Variants in DIAPH3 observed in about 807,000 individuals in gnomAD.
The protein encoded by DIAPH3 is protein diaphanous homolog 3.
DIAPH3 carries 117 observed loss-of-function variants against 144.3 expected under a neutral mutation model. The observed-to-expected ratio is 0.81, with a 90% CI of 0.70 to 0.95. The LOEUF is 0.95. DIAPH3 is among the 40% of genes least tolerant of loss of function. DIAPH3 has a pLI of 0.00. For missense variants in DIAPH3, 1,421 were observed against 1,412.7 expected, an observed-to-expected ratio of 1.01 and a Z score of -0.09; for synonymous variants, 519 against 488.9, an observed-to-expected ratio of 1.06 and a Z score of -0.81.
At chr13:59,848,434 T>A (rs1270816742) in intron 22 of DIAPH3, among the ~76,000 whole-genome samples, 268 of 151,896 alleles carry the variant, frequency 1.8e-3, no homozygotes, top group Admixed American at 4.3e-3. Flanking sequence ...TCATCTAGCC[T>A]TAGGTATATC....
intron 20 of DIAPH3, among the ~76,000 whole-genome samples, chr13:59,906,443 G>A (rs1366817153): frequency 6.6e-6 from 1 of 152,130 alleles, no homozygotes; most frequent in Non-Finnish European, 1.5e-5. Flanking sequence ...AGTGGGATAC[G>A]GGGGACATCT....
chr13:60,126,388 AT>A (rs2058989531), intron 2 of DIAPH3, among the ~76,000 whole-genome samples: 1 of 152,206 alleles, frequency 6.6e-6, no homozygotes, highest in Admixed American at 6.5e-5. Flanking sequence ...ATTATTTGTG[AT>A]TTTAAAACGT....
At chr13:59,899,785 G>T (rs1375483811) in intron 20 of DIAPH3, among the ~76,000 whole-genome samples, 1 of 152,158 alleles carries the variant, frequency 6.6e-6, no homozygotes, top group Non-Finnish European at 1.5e-5. Context: ...ACATGCACGT[G>T]ATATAAAACA....
At chr13:60,025,628 G>T (rs1029512646) in intron 5 of DIAPH3, among the ~76,000 whole-genome samples, 1 of 151,498 alleles carries the variant, frequency 6.6e-6, no homozygotes, top group African/African-American at 2.4e-5. Context: ...GCTAAAATGA[G>T]GTCAAAGAAA....
chr13:59,883,950 G>A (rs1048538644), intron 20 of DIAPH3, among the ~76,000 whole-genome samples: 6 of 152,034 alleles, frequency 3.9e-5, no homozygotes, highest in Non-Finnish European at 8.8e-5. Flanking sequence ...TACTTTTTCA[G>A]ATCTACTTTT....
At chr13:59,865,332 C>T (rs949111167) in intron 21 of DIAPH3, among the ~76,000 whole-genome samples, 1 of 151,954 alleles carries the variant, frequency 6.6e-6, no homozygotes, top group African/African-American at 2.4e-5. Context: ...TGAGCTAGAA[C>T]AAGTAAAGCT....
intron 23 of DIAPH3, 172 bp downstream of exon 23, chr13:59,839,152 T>C (rs980792645): frequency 3.1e-6 from 2 of 643,912 alleles, no homozygotes; most frequent in Non-Finnish European, 5.3e-6. Flanking sequence ...TTGTGTATTA[T>C]TCATGATTGA....
intron 17 of DIAPH3, among the ~76,000 whole-genome samples, chr13:59,962,145 C>A (rs183915860): frequency 1.0e-3 from 155 of 152,214 alleles, no homozygotes; most frequent in Non-Finnish European, 1.4e-3. Flanking sequence ...GAGGCTCAGG[C>A]CCAGGTCTTT....
intron 11 of DIAPH3, among the ~76,000 whole-genome samples, chr13:59,991,498 C>G (rs1566624365): frequency 6.6e-6 from 1 of 151,978 alleles, no homozygotes. Context: ...TCCAACTAAT[C>G]TGTCTCCCCT....
intron 21 of DIAPH3, among the ~76,000 whole-genome samples, chr13:59,862,592 G>A (rs1206987096): frequency 1.3e-5 from 2 of 152,170 alleles, no homozygotes; most frequent in Non-Finnish European, 2.9e-5. Flanking sequence ...ACAGATTTGT[G>A]TGAGGTGGCC....
intron 25 of DIAPH3, among the ~76,000 whole-genome samples, chr13:59,801,173 A>C (rs2139474876): frequency 6.6e-6 from 1 of 152,360 alleles, no homozygotes; most frequent in Admixed American, 6.5e-5. Flanking sequence ...TCTGAAATGC[A>C]GCAAAAAGAC....
chr13:59,970,130 A>C, intron 16 of DIAPH3, 72 bp from the exon 17 acceptor site: 2 of 754,606 alleles, frequency 2.7e-6, no homozygotes, highest in South Asian at 3.6e-5. Context: ...CACTATGCAT[A>C]CACTGAGTAT....
intron 22 of DIAPH3, among the ~76,000 whole-genome samples, chr13:59,850,635 T>C (rs896380601): frequency 6.6e-6 from 1 of 151,880 alleles, no homozygotes; most frequent in African/African-American, 2.4e-5. Flanking sequence ...TTGATTTGCG[T>C]ATATTGAACC....
At chr13:59,788,078 A>C (rs2039127515) in intron 25 of DIAPH3, among the ~76,000 whole-genome samples, 1 of 152,232 alleles carries the variant, frequency 6.6e-6, no homozygotes, top group Admixed American at 6.5e-5. Flanking sequence ...GAATGGACTA[A>C]GACACCATAA....
intron 4 of DIAPH3, among the ~76,000 whole-genome samples, chr13:60,087,835 G>T (rs1490482890): frequency 6.6e-6 from 1 of 151,318 alleles, no homozygotes; most frequent in Admixed American, 6.6e-5. Flanking sequence ...TTCTAATTAA[G>T]AATCTTAGAA....
At chr13:60,133,386 A>T (rs190607220) in intron 1 of DIAPH3, among the ~76,000 whole-genome samples, 1 of 152,252 alleles carries the variant, frequency 6.6e-6, no homozygotes, top group Non-Finnish European at 1.5e-5. Context: ...AAAGATTTTA[A>T]TGTGATGATT....
intron 4 of DIAPH3, among the ~76,000 whole-genome samples, chr13:60,090,054 C>T (rs1010488848): frequency 6.6e-6 from 1 of 152,050 alleles, no homozygotes; most frequent in Admixed American, 6.6e-5. Flanking sequence ...CATCAAGCAC[C>T]GTACAACCTC....
intron 22 of DIAPH3, among the ~76,000 whole-genome samples, chr13:59,850,909 A>G (rs1456402417): frequency 1.4e-5 from 2 of 147,986 alleles, no homozygotes. Flanking sequence ...AAAAGAGTCC[A>G]GGACCAGATG....
At chr13:59,713,634 T>C (rs1180424270) in intron 27 of DIAPH3, among the ~76,000 whole-genome samples, 4 of 151,636 alleles carry the variant, frequency 2.6e-5, no homozygotes, top group Admixed American at 2.6e-4. Context: ...GAAGGGGAGC[T>C]ATTAAATTAC....
Sources: allele counts gnomAD v4.1 joint callset (sites outside exome capture counted in the v4.1 genomes callset), GRCh38; gene constraint gnomAD v4.1.1; transcripts MANE v1.5; gene names NCBI Gene and HGNC (gene_info 2026-07-23, HGNC 2026-07-21).